Variants in CPSF3 observed in about 807,000 individuals in gnomAD.
CPSF3 encodes cleavage and polyadenylation specific factor 3, also known as cleavage and polyadenylation specificity factor subunit 3.
In CPSF3, 57 loss-of-function variants were observed where a neutral mutation model predicts 84.1. That is an observed-to-expected ratio of 0.68 (90% CI 0.55 to 0.85). The LOEUF is 0.85. Ranked by LOEUF, CPSF3 falls within the 40% of genes least tolerant of loss-of-function variation. The pLI, the probability that CPSF3 is intolerant of heterozygous loss-of-function variation, is 0.00. For synonymous variants in CPSF3, 275 were observed against 278.1 expected, an observed-to-expected ratio of 0.99 and a Z score of 0.11; for missense variants, 522 against 838.8, an observed-to-expected ratio of 0.62 and a Z score of 4.66.
intron 15 of CPSF3, among the ~76,000 whole-genome samples, chr2:9,465,514 A>T (rs1681870819): frequency 6.6e-6 from 1 of 152,140 alleles, no homozygotes; most frequent in East Asian, 1.9e-4. Flanking sequence ...AGGCCATAAG[A>T]TTATTTCTGG....
chr2:9,447,127 C>T (rs1319379556), intron 10 of CPSF3, among the ~76,000 whole-genome samples: 2 of 152,100 alleles, frequency 1.3e-5, no homozygotes, highest in African/African-American at 2.4e-5. Context: ...GGCAACAGAG[C>T]AAGACTCTCT....
At chr2:9,440,085 CTGTT>C (rs1337299159) in intron 7 of CPSF3, among the ~76,000 whole-genome samples, 1 of 152,062 alleles carries the variant, frequency 6.6e-6, no homozygotes, top group East Asian at 1.9e-4. Context: ...CTCAATAAAT[CTGTT>C]TGAAATATTA....
chr2:9,447,758 A>G (rs1307636645), intron 10 of CPSF3, among the ~76,000 whole-genome samples: 1 of 152,238 alleles, frequency 6.6e-6, no homozygotes, highest in African/African-American at 2.4e-5. Context: ...AGCCTGGGCG[A>G]CAGAGCAAGA....
chr2:9,449,136 T>A (rs1287946451), intron 11 of CPSF3, among the ~76,000 whole-genome samples: 1 of 152,064 alleles, frequency 6.6e-6, no homozygotes, highest in Non-Finnish European at 1.5e-5. Flanking sequence ...CCCAGCACTT[T>A]GGGAGGCCAA....
intron 15 of CPSF3, among the ~76,000 whole-genome samples, chr2:9,464,409 G>A (rs1249700408): frequency 1.3e-5 from 2 of 151,690 alleles, no homozygotes; most frequent in Non-Finnish European, 2.9e-5. Flanking sequence ...TAGTTTCATA[G>A]CCTAGATATT....
intron 4 of CPSF3, among the ~76,000 whole-genome samples, chr2:9,432,153 T>C (rs1053499934): frequency 6.6e-6 from 1 of 152,202 alleles, no homozygotes; most frequent in Non-Finnish European, 1.5e-5. Flanking sequence ...CATGGTTCAA[T>C]GTATGTGAGT....
chr2:9,466,274 GCA>G (rs58985899), intron 15 of CPSF3, among the ~76,000 whole-genome samples: 37 of 52,818 alleles, frequency 7.0e-4, no homozygotes, highest in South Asian at 2.7e-3. Flanking sequence ...AAAGACGCAC[GCA>G]CACACGTGCG....
At chr2:9,455,426 G>A (rs1205895392) in intron 12 of CPSF3, among the ~76,000 whole-genome samples, 3 of 152,088 alleles carry the variant, frequency 2.0e-5, no homozygotes, top group African/African-American at 4.8e-5. Flanking sequence ...GAGCCACCGC[G>A]CCTGGCCATA....
chr2:9,429,721 G>A (rs776280995), intron 2 of CPSF3, among the ~76,000 whole-genome samples: 3 of 152,178 alleles, frequency 2.0e-5, no homozygotes, highest in Non-Finnish European at 4.4e-5. Context: ...ACCCCTAAAT[G>A]TGAGCTATAT....
At chr2:9,438,691 T>C (rs1680867947) in intron 7 of CPSF3, among the ~76,000 whole-genome samples, 1 of 152,024 alleles carries the variant, frequency 6.6e-6, no homozygotes, top group African/African-American at 2.4e-5. Flanking sequence ...AGACGAGGTT[T>C]CACCACATTG....
At chr2:9,470,593 ACAG>A (rs1682131703) in intron 16 of CPSF3, among the ~76,000 whole-genome samples, 1 of 152,226 alleles carries the variant, frequency 6.6e-6, no homozygotes. Flanking sequence ...AATCTGCCAC[ACAG>A]AAGATGCTCA....
At chr2:9,457,978 A>G (rs1162063448) in intron 14 of CPSF3, among the ~76,000 whole-genome samples, 1 of 151,728 alleles carries the variant, frequency 6.6e-6, no homozygotes, top group Non-Finnish European at 1.5e-5. Context: ...ATGGTCTTGA[A>G]CTCCTGACCT....
rs1018825716 is a variant in CPSF3, at chr2:9,429,823, T to C, written c.115-100T>C. On this transcript the variant is annotated intron_variant, in intron 2 of 17. Transcript: ENST00000238112. The stretch of plus-strand genomic sequence containing the variant: ...CAAGTGCTAGTGCCTGGAGTCCATC[T>C]TGAGTATATGGGTGATGGAACTAGA... 28 of 738,506 alleles carry C rather than the reference T, an allele frequency of 3.8e-5. No homozygotes were observed. The African/African-American group carries it at 5.0e-4, about 13-fold the overall frequency. The allele number at this position is 738,506 out of a possible 1,614,324, so 45.7% of individuals were successfully genotyped here. A position where few individuals can be genotyped will look rare whatever the true frequency, so the allele number is the denominator to read the frequency against.
chr2:9,466,161 TA>T (rs747147275), intron 15 of CPSF3, among the ~76,000 whole-genome samples: 28 of 151,516 alleles, frequency 1.8e-4, no homozygotes, highest in African/African-American at 4.9e-4. Flanking sequence ...GGCAACATGC[TA>T]AAACCCTGTC....
At chr2:9,424,178 G>C (rs1680243319) in intron 1 of CPSF3, 1 of 1,037,570 alleles carries the variant, frequency 9.6e-7, no homozygotes. Flanking sequence ...GAGGGAGCCG[G>C]TGAAGCTTAT....
intron 15 of CPSF3, among the ~76,000 whole-genome samples, chr2:9,465,624 A>G (rs1450263007): frequency 6.6e-6 from 1 of 152,054 alleles, no homozygotes; most frequent in Non-Finnish European, 1.5e-5. Context: ...TATATTTATT[A>G]TTTATCAAAC....
At position 9,445,248 on chromosome 2, in the gene CPSF3, A is replaced by G. The variant is rs11892629; in HGVS notation, c.1242+1587A>G. Among the ~76,000 whole-genome samples, 491 of 152,280 alleles carry G rather than the reference A, an allele frequency of 3.2e-3. 3 individuals carry two copies. Among genetic ancestry groups the G allele is most frequent in the African/African-American group, 0.011 (465 of 41,548 alleles). ...CTAGGTATTTCATATAAGAGGAATC[A>G]TAATGCCTATGATGTTTTCAAGGTT... On this transcript the variant is annotated intron_variant, in intron 10 of 17. Coordinates refer to ENST00000238112, the MANE Select transcript of CPSF3 (RefSeq NM_016207.4).
At chr2:9,458,396 G>A (rs1426352025) in intron 14 of CPSF3, among the ~76,000 whole-genome samples, 2 of 151,976 alleles carry the variant, frequency 1.3e-5, no homozygotes, top group East Asian at 1.9e-4. Flanking sequence ...AGAGCGAGAC[G>A]CTGTCTCAAA....
At chr2:9,455,262 A>G (rs1009785825) in intron 12 of CPSF3, among the ~76,000 whole-genome samples, 1 of 151,656 alleles carries the variant, frequency 6.6e-6, no homozygotes, top group African/African-American at 2.4e-5. Flanking sequence ...CAGCCTCCCG[A>G]GTAGCTAGGA....
Sources: allele counts gnomAD v4.1 joint callset (sites outside exome capture counted in the v4.1 genomes callset), GRCh38; gene constraint gnomAD v4.1.1; transcripts MANE v1.5; gene names NCBI Gene and HGNC (gene_info 2026-07-23, HGNC 2026-07-21).